KIAA0513: variants seen among roughly 807,000 people sequenced by gnomAD.
KIAA0513 encodes the protein KIAA0513, also known as uncharacterized protein KIAA0513.
Under a neutral mutation model 56.5 loss-of-function variants are expected in KIAA0513, and 39 were observed. That is an observed-to-expected ratio of 0.69 (90% CI 0.53 to 0.90). The LOEUF is 0.90. Ranked by LOEUF, KIAA0513 falls within the 40% of genes least tolerant of loss-of-function variation. The pLI is 0.00. For missense variants in KIAA0513, 591 were observed against 535.2 expected, an observed-to-expected ratio of 1.10 and a Z score of -1.03; for synonymous variants, 268 against 215.6, an observed-to-expected ratio of 1.24 and a Z score of -2.13.
intron 1 of KIAA0513, among the ~76,000 whole-genome samples, chr16:85,058,238 C>G (rs1225019640): frequency 6.6e-6 from 1 of 152,254 alleles, no homozygotes. Context: ...GGCATGTTCA[C>G]TGTCACGCCT....
chr16:85,054,898 C>T lies in KIAA0513; in HGVS notation c.-172-12002C>T, dbSNP rs2073306711. 4.6e-5 allele frequency among the ~76,000 whole-genome samples: 7 copies of T among 152,188 alleles called. No individual in the cohort carries two copies. In the South Asian group the frequency reaches 1.5e-3, roughly 32 times the overall value. On this transcript the variant is annotated intron_variant, in intron 1 of 12. Coordinates refer to ENST00000683363, the MANE Select transcript of KIAA0513 (RefSeq NM_001388359.1). ...CGCTTTGTGAGGGTTCATTGAACGG[C>T]ATCGTTATGATTTATGTATTTTCTG...
chr16:85,084,791 G>A (rs2073789983), intron 10 of KIAA0513, among the ~76,000 whole-genome samples: 3 of 150,874 alleles, frequency 2.0e-5, no homozygotes, highest in Admixed American at 7.0e-5. Flanking sequence ...TTGAACTCCT[G>A]AACTCAGGTA....
In KIAA0513 at chr16:85,092,478, A is replaced by C. The variant is rs916612680; in HGVS notation, c.*4153A>C. On this transcript the variant is annotated 3_prime_UTR_variant, in exon 13 of 13. Transcript: ENST00000683363. ...CCCAGCCTCAGGGACGGGGAGGGAGAGCCCCCTCTGGGCCCAGCAGGCAGG... is the reference window on the plus strand; with the variant it reads ...CCCAGCCTCAGGGACGGGGAGGGAGCGCCCCCTCTGGGCCCAGCAGGCAGG... The C allele has an allele frequency of 1.3e-5, 2 of 152,050 alleles. No homozygotes were observed. The highest frequency in any genetic ancestry group is 4.8e-5 in the African/African-American group (2 of 41,396). 9.4% of individuals were successfully genotyped at this position (152,050 alleles called of 1,614,324 possible). A position where few individuals can be genotyped will look rare whatever the true frequency, so the allele number is the denominator to read the frequency against.
In KIAA0513 at chr16:85,075,833, T is replaced by A. The variant is rs1017753382; in HGVS notation, c.504-11T>A. ...GCGATCTTTAGCCATGAGCCTTGCCTCTTGTTTCAGGTGTCATCAGATGGA... is the reference window on the plus strand; with the variant it reads ...GCGATCTTTAGCCATGAGCCTTGCCACTTGTTTCAGGTGTCATCAGATGGA... On this transcript the variant is annotated splice_polypyrimidine_tract_variant and intron_variant, in intron 4 of 12. Coordinates refer to ENST00000683363, the MANE Select transcript of KIAA0513 (RefSeq NM_001388359.1). 55 of 1,614,012 alleles carry A rather than the reference T, an allele frequency of 3.4e-5. No homozygotes were observed. Among genetic ancestry groups the A allele is most frequent in the Non-Finnish European group, 4.6e-5 (54 of 1,179,858 alleles).
intron 4 of KIAA0513, 75 bp downstream of exon 4, chr16:85,073,073 C>T (rs888524591): frequency 1.8e-5 from 22 of 1,219,040 alleles, no homozygotes; most frequent in African/African-American, 3.0e-5. Flanking sequence ...CCCACCCAGC[C>T]GTGTCATAAC....
chr16:85,034,414 C>G (rs2073007638), intron 1 of KIAA0513, among the ~76,000 whole-genome samples: 1 of 152,136 alleles, frequency 6.6e-6, no homozygotes, highest in Admixed American at 6.5e-5. Context: ...AAGCTGATGA[C>G]TGTACTCCTG....
chr16:85,060,423 G>A (rs547799152), intron 1 of KIAA0513, among the ~76,000 whole-genome samples: 8 of 152,238 alleles, frequency 5.3e-5, no homozygotes, highest in East Asian at 1.9e-4. Context: ...TCGGGGTCCC[G>A]GTGCCCCATG....
intron 1 of KIAA0513, among the ~76,000 whole-genome samples, chr16:85,049,970 G>T (rs1172816994): frequency 6.6e-6 from 1 of 152,196 alleles, no homozygotes; most frequent in South Asian, 2.1e-4. Flanking sequence ...GTCTCTGTCC[G>T]AGTTGAATTC....
chr16:85,088,223 C>G, intron 12 of KIAA0513, 53 bp from the exon 13 acceptor site: 1 of 1,544,206 alleles, frequency 6.5e-7, no homozygotes, highest in Non-Finnish European at 8.9e-7. Flanking sequence ...GCAGGATATA[C>G]CTGTCCCTGT....
intron 1 of KIAA0513, among the ~76,000 whole-genome samples, chr16:85,046,960 A>G (rs1356306345): frequency 6.6e-6 from 1 of 152,094 alleles, no homozygotes; most frequent in Non-Finnish European, 1.5e-5. Flanking sequence ...TTCCCATGCG[A>G]GTTGAGGATA....
intron 7 of KIAA0513, 68 bp from the exon 8 acceptor site, chr16:85,078,857 C>A: frequency 6.5e-7 from 1 of 1,539,634 alleles, no homozygotes; most frequent in Non-Finnish European, 9.0e-7. Context: ...GGGAGGCTGT[C>A]ACCCGGGGTT....
chr16:85,042,114 ATTCTC>A (rs1035583441), intron 1 of KIAA0513, among the ~76,000 whole-genome samples: 3 of 152,132 alleles, frequency 2.0e-5, no homozygotes, highest in Non-Finnish European at 4.4e-5. Flanking sequence ...AACATCCTTT[ATTCTC>A]TTATAATTAT....
At chr16:85,040,387 G>A (rs2073089876) in intron 1 of KIAA0513, among the ~76,000 whole-genome samples, 2 of 152,116 alleles carry the variant, frequency 1.3e-5, no homozygotes, top group South Asian at 4.1e-4. Flanking sequence ...ACTGTTGGCT[G>A]GGCGTGGTGG....
chr16:85,056,018 TC>T (rs1223103492), intron 1 of KIAA0513, among the ~76,000 whole-genome samples: 1 of 152,240 alleles, frequency 6.6e-6, no homozygotes, highest in African/African-American at 2.4e-5. Flanking sequence ...TCAGCCCTTC[TC>T]TGCACTCTAA....
In KIAA0513 at chr16:85,071,765, C is replaced by CAT; in HGVS notation, c.330-18_330-17insAT. 1 of 1,206,510 alleles carries CAT rather than the reference C, an allele frequency of 8.3e-7. No homozygotes were observed. Among genetic ancestry groups the CAT allele is most frequent in the Non-Finnish European group, 1.1e-6 (1 of 889,472 alleles). 74.7% of individuals were successfully genotyped at this position (1,206,510 alleles called of 1,614,324 possible). On this transcript the variant is annotated splice_polypyrimidine_tract_variant and intron_variant, in intron 2 of 12. Coordinates refer to ENST00000683363, the MANE Select transcript of KIAA0513 (RefSeq NM_001388359.1). ...GGGTTTTTTTTTTTTTTCCTCTGCTCTTTTTTTTTTTTTTTAGGGAGGACT... is the reference window on the plus strand; with the variant it reads ...GGGTTTTTTTTTTTTTTCCTCTGCTCATTTTTTTTTTTTTTTTAGGGAGGACT...
chr16:85,082,159 A>G lies in KIAA0513; in HGVS notation c.981-405A>G, dbSNP rs541260929. Among the ~76,000 whole-genome samples the G allele has an allele frequency of 5.3e-5, 8 of 152,324 alleles. No individual in the cohort carries two copies. The East Asian group carries it at 1.4e-3, about 26-fold the overall frequency. On this transcript the variant is annotated intron_variant, in intron 9 of 12. Coordinates refer to ENST00000683363, the MANE Select transcript of KIAA0513 (RefSeq NM_001388359.1). ...GCTGTTGGGGGGAAGACTCGAGTCT[A>G]CCAGCACTTGCCGTGTCTCAAGTGA... is the stretch of plus-strand genomic sequence containing the variant.
intron 3 of KIAA0513, 102 bp from the exon 4 acceptor site, chr16:85,072,823 C>G: frequency 1.7e-6 from 2 of 1,158,944 alleles, no homozygotes; most frequent in Admixed American, 3.5e-5. Context: ...GCCCCCATCC[C>G]AGCTGCATTT....
chr16:85,084,552 C>A (rs1323371371), intron 10 of KIAA0513, among the ~76,000 whole-genome samples: 1 of 151,994 alleles, frequency 6.6e-6, no homozygotes, highest in Non-Finnish European at 1.5e-5. Flanking sequence ...GCCTCAGCCT[C>A]CCGAGTAGCT....
chr16:85,056,007 C>G (rs890476175), intron 1 of KIAA0513, among the ~76,000 whole-genome samples: 6 of 152,248 alleles, frequency 3.9e-5, no homozygotes, highest in African/African-American at 1.4e-4. Flanking sequence ...AGTGCTGCAG[C>G]TCAGCCCTTC....
Sources: allele counts gnomAD v4.1 joint callset (sites outside exome capture counted in the v4.1 genomes callset), GRCh38; gene constraint gnomAD v4.1.1; transcripts MANE v1.5; gene names NCBI Gene and HGNC (gene_info 2026-07-23, HGNC 2026-07-21).